Variants in RAD54L2 observed in about 807,000 individuals in gnomAD.
The protein encoded by RAD54L2 is helicase ARIP4.
A neutral mutation model predicts 138.4 loss-of-function variants in RAD54L2; 27 were observed. The observed-to-expected ratio is 0.20, with a 90% CI of 0.14 to 0.27. The LOEUF is 0.27. RAD54L2 is among the 10% of genes least tolerant of loss of function. RAD54L2 has a pLI of 1.00. For missense variants in RAD54L2, 1,396 were observed against 1,890.2 expected (o/e 0.74, Z 4.85); for synonymous variants, 644 against 723.2 (o/e 0.89, Z 1.76).
chr3:51,560,599 C>A (rs1254378885), intron 2 of RAD54L2, among the ~76,000 whole-genome samples: 1 of 152,016 alleles, frequency 6.6e-6, no homozygotes, highest in Admixed American at 6.6e-5. Flanking sequence ...CCTCATGATC[C>A]ACCTGCCTCT....
At chr3:51,627,530 T>C (rs1243459098) in intron 3 of RAD54L2, 23 bp from the exon 4 acceptor site, 5 of 1,547,012 alleles carry the variant, frequency 3.2e-6, no homozygotes, top group East Asian at 2.4e-5. Flanking sequence ...TATAAAGCAA[T>C]GTCTTTCCCC....
At chr3:51,553,164 A>G (rs546018129) in intron 2 of RAD54L2, among the ~76,000 whole-genome samples, 148 of 151,882 alleles carry the variant, frequency 9.7e-4, no homozygotes, top group Non-Finnish European at 1.3e-3. Flanking sequence ...TGCAACCTCC[A>G]CCTCCCGAGT....
intron 2 of RAD54L2, among the ~76,000 whole-genome samples, chr3:51,565,154 G>A (rs565236592): frequency 4.6e-5 from 7 of 152,284 alleles, no homozygotes; most frequent in South Asian, 2.1e-4. Flanking sequence ...TTATTGTAGC[G>A]ATTGTAAATA....
chr3:51,663,526 A>G lies in RAD54L2; in HGVS notation c.*106A>G, dbSNP rs1701841828. 1 of 1,320,690 alleles carries G rather than the reference A, an allele frequency of 7.6e-7. No homozygotes were observed. The highest frequency in any genetic ancestry group is 1.5e-5 in the African/African-American group (1 of 67,606). The allele number at this position is 1,320,690 out of a possible 1,614,324, so 81.8% of individuals were successfully genotyped here. A position where few individuals can be genotyped will look rare whatever the true frequency, so the allele number is the denominator to read the frequency against. ...AGAATAGGACACTTGGCAGGAGGGAAAAGGAAGAGGACAAAGGAGGGTGGT... is the reference window on the plus strand; with the variant it reads ...AGAATAGGACACTTGGCAGGAGGGAGAAGGAAGAGGACAAAGGAGGGTGGT... On this transcript the variant is annotated 3_prime_UTR_variant, in exon 23 of 23. Transcript: ENST00000684192.
rs1182369351 is a variant in RAD54L2 at position 51,637,274 on chromosome 3, C to T, written c.1453C>T (p.Arg485Cys). The change falls in exon 11 of 23, where the codon CGC becomes TGC. Residue 485 changes from arginine to cysteine, a missense_variant. This residue lies in a region of RAD54L2 where 169 missense variants were observed against 235.6 expected (regional missense o/e 0.72). Transcript: ENST00000684192. The surrounding 1 kb of genome is among the most constrained non-coding windows in gnomAD (Gnocchi z 5.9). Reference protein sequence around the residue: ...TSQALKNIRSRRRVVLTGYPL... With the variant: ...TSQALKNIRSCRRVVLTGYPL... ...ACAGGCTCTGAAGAATATCCGCTCT[C>T]GCCGCCGGGTGGTGCTGACTGGGTA... is the stretch of plus-strand genomic sequence containing the variant. 1.9e-6 allele frequency: 3 copies of T among 1,608,892 alleles called. No homozygotes were observed. Among genetic ancestry groups the T allele is most frequent in the African/African-American group, 1.3e-5 (1 of 74,958 alleles).
At chr3:51,646,078 G>A (rs961386221) in intron 18 of RAD54L2, among the ~76,000 whole-genome samples, 1 of 152,124 alleles carries the variant, frequency 6.6e-6, no homozygotes, top group Non-Finnish European at 1.5e-5. Context: ...CTTTTGATAG[G>A]GAAGGCAGAC....
intron 3 of RAD54L2, among the ~76,000 whole-genome samples, chr3:51,604,098 G>A (rs1700131199): frequency 6.6e-6 from 1 of 152,202 alleles, no homozygotes; most frequent in Non-Finnish European, 1.5e-5. Flanking sequence ...TGAAGATAGA[G>A]CTAATAGGAT....
intron 2 of RAD54L2, among the ~76,000 whole-genome samples, chr3:51,563,260 C>G (rs1699139739): frequency 3.9e-5 from 6 of 152,102 alleles, no homozygotes; most frequent in Admixed American, 3.9e-4. Context: ...CAGTTTCTGA[C>G]CTGAAGGATG....
At chr3:51,579,555 C>T (rs2106685218) in intron 2 of RAD54L2, among the ~76,000 whole-genome samples, 1 of 152,250 alleles carries the variant, frequency 6.6e-6, no homozygotes, top group East Asian at 1.9e-4. Flanking sequence ...GTATCTGAAA[C>T]AAATTTGGTT....
rs1701072376 is a variant in RAD54L2 at position 51,639,527 on chromosome 3, T to C, written c.1969T>C (p.Cys657Arg). ...ELGSAGTSAR[C>R]PPQGTKGKGE... ...TGGCTCTGCAGGGACCAGTGCCCGC[T>C]GTCCACCACAGGGAACAAAAGGCAA... is the stretch of plus-strand genomic sequence containing the variant. Residue 657 changes from cysteine to arginine, a missense_variant, in exon 13 of 23, where the codon TGT (cysteine) becomes CGT (arginine). Physicochemically the swap from Cys to Arg is radical, Grantham distance 180 (BLOSUM62 -3). This residue lies in a region of RAD54L2 where 211 missense variants were observed against 273.8 expected (regional missense o/e 0.77). Transcript: ENST00000684192. The C allele has an allele frequency of 6.2e-7, 1 of 1,614,022 alleles. No individual in the cohort carries two copies. The highest frequency in any genetic ancestry group is 8.5e-7 in the Non-Finnish European group (1 of 1,179,898).
chr3:51,633,547 C>G, intron 7 of RAD54L2, 30 bp from the exon 8 acceptor site: 1 of 1,592,878 alleles, frequency 6.3e-7, no homozygotes, highest in Non-Finnish European at 8.6e-7. Context: ...TTTGTGAGCC[C>G]CTCTGACATT....
intron 19 of RAD54L2, 98 bp downstream of exon 19, chr3:51,646,579 C>A: frequency 1.6e-6 from 2 of 1,242,692 alleles, no homozygotes; most frequent in Non-Finnish European, 2.2e-6. Context: ...CAACTTGTTC[C>A]TTGACTGCTG....
intron 2 of RAD54L2, among the ~76,000 whole-genome samples, chr3:51,568,917 T>G (rs1252643916): frequency 6.6e-6 from 1 of 152,190 alleles, no homozygotes; most frequent in Non-Finnish European, 1.5e-5. Context: ...AGGATATGAT[T>G]AAGTATGGAG....
intron 2 of RAD54L2, among the ~76,000 whole-genome samples, chr3:51,555,480 G>A (rs1698939683): frequency 6.6e-6 from 1 of 152,232 alleles, no homozygotes; most frequent in Non-Finnish European, 1.5e-5. Context: ...AGGCATGGTG[G>A]CACACATGTC....
Position 51,665,590 on chromosome 3 carries a change from A to G in RAD54L2, c.*2170A>G, listed in dbSNP as rs544282729. The G allele has an allele frequency of 6.6e-6, 1 of 152,232 alleles. No individual in the cohort carries two copies. The highest frequency in any genetic ancestry group is 1.5e-5 in the Non-Finnish European group (1 of 68,030). 9.4% of individuals were successfully genotyped at this position (152,232 alleles called of 1,614,324 possible). A position where few individuals can be genotyped will look rare whatever the true frequency, so the allele number is the denominator to read the frequency against. On this transcript the variant is annotated 3_prime_UTR_variant, in exon 23 of 23. Coordinates refer to ENST00000684192, the MANE Select transcript of RAD54L2 (RefSeq NM_015106.4). ...GCTATGCAAATTATTTTAATAATTT[A>G]AAAATAGCAGTTCCAACCAGTGCTT...
chr3:51,571,822 G>GT (rs1699344550), intron 2 of RAD54L2, among the ~76,000 whole-genome samples: 2 of 151,838 alleles, frequency 1.3e-5, no homozygotes, highest in South Asian at 4.2e-4. Flanking sequence ...TAGAAATAGG[G>GT]GTTTTTTTTT....
rs141037247 is a variant in RAD54L2, at chr3:51,636,164, G to GTAA, written c.1339+378_1339+380dup. On this transcript the variant is annotated intron_variant, in intron 10 of 22. Coordinates refer to ENST00000684192, the MANE Select transcript of RAD54L2 (RefSeq NM_015106.4). ...AAATCACTAATATAAAGACAAAGTA[G>GTAA]TAATACTATTGTTTGTGAATTTATA... is the stretch of plus-strand genomic sequence containing the variant. Among the ~76,000 whole-genome samples the GTAA allele has an allele frequency of 4.9e-4, 74 of 152,294 alleles. No individual in the cohort carries two copies. In the East Asian group the frequency reaches 0.013, roughly 27 times the overall value.
chr3:51,659,664 T>C (rs1045656476), intron 21 of RAD54L2, among the ~76,000 whole-genome samples: 1 of 152,172 alleles, frequency 6.6e-6, no homozygotes, highest in Non-Finnish European at 1.5e-5. Context: ...CAACTTACTC[T>C]CTTTTGTAGC....
chr3:51,607,771 G>GC (rs948364585), intron 3 of RAD54L2, among the ~76,000 whole-genome samples: 25 of 148,896 alleles, frequency 1.7e-4, no homozygotes, highest in Non-Finnish European at 2.1e-4. Context: ...GGGCAGAGGG[G>GC]CCCCCCACCT....
Sources: allele counts gnomAD v4.1 joint callset (sites outside exome capture counted in the v4.1 genomes callset), GRCh38; gene constraint gnomAD v4.1.1; regional missense constraint gnomAD v4.1.1; non-coding constraint Gnocchi (gnomAD v3.1); transcripts MANE v1.5; gene names NCBI Gene and HGNC (gene_info 2026-07-23, HGNC 2026-07-21).